Variants in SPAG16 observed in about 807,000 individuals in gnomAD.
The protein encoded by SPAG16 is sperm-associated antigen 16 protein.
In SPAG16, 86 loss-of-function variants were observed where a neutral mutation model predicts 80.4. The ratio of observed to expected loss-of-function variants is 1.07; its 90% confidence interval spans 0.90 to 1.28. SPAG16 has a LOEUF of 1.28. Ranked by LOEUF, SPAG16 falls within the 50% of genes most tolerant of loss-of-function variation. The pLI is 0.00. For missense variants in SPAG16, 870 were observed against 765.3 expected (o/e 1.14, Z -1.61); for synonymous variants, 294 against 265.9 (o/e 1.11, Z -1.03).
intron 11 of SPAG16, among the ~76,000 whole-genome samples, chr2:213,900,879 A>T (rs1455952465): frequency 6.6e-6 from 1 of 152,202 alleles, no homozygotes; most frequent in African/African-American, 2.4e-5. Context: ...GCTCTGTCCC[A>T]TAACTATATC....
chr2:213,814,020 GGA>G (rs945008080), intron 10 of SPAG16, among the ~76,000 whole-genome samples: 2 of 152,046 alleles, frequency 1.3e-5, no homozygotes, highest in African/African-American at 4.8e-5. Context: ...ACGGAGGTAG[GGA>G]GAGAGAGAGA....
intron 9 of SPAG16, among the ~76,000 whole-genome samples, chr2:213,488,965 C>T (rs930918199): frequency 7.9e-5 from 12 of 151,236 alleles, no homozygotes; most frequent in African/African-American, 2.2e-4. Flanking sequence ...GTCCCAGCTA[C>T]GCAGGAGGCT....
intron 11 of SPAG16, among the ~76,000 whole-genome samples, chr2:213,867,144 C>T (rs377226273): frequency 1.3e-5 from 2 of 152,156 alleles, no homozygotes; most frequent in East Asian, 1.9e-4. Context: ...GGATAACTTT[C>T]GTCACAGTGT....
At chr2:213,513,534 G>A (rs1321971125) in intron 10 of SPAG16, among the ~76,000 whole-genome samples, 1 of 152,088 alleles carries the variant, frequency 6.6e-6, no homozygotes, top group Non-Finnish European at 1.5e-5. Context: ...CAGGGATTTA[G>A]GATCTTTCTA....
At chr2:214,162,286 A>G (rs988576242) in intron 15 of SPAG16, among the ~76,000 whole-genome samples, 4 of 152,150 alleles carry the variant, frequency 2.6e-5, no homozygotes, top group African/African-American at 9.6e-5. Context: ...GTGCAATCAC[A>G]TTTAAATCTT....
At chr2:214,085,917 A>G (rs1427939823) in intron 13 of SPAG16, among the ~76,000 whole-genome samples, 1 of 152,108 alleles carries the variant, frequency 6.6e-6, no homozygotes, top group Non-Finnish European at 1.5e-5. Context: ...TACATCTTTG[A>G]TTTGTGTTTC....
intron 11 of SPAG16, among the ~76,000 whole-genome samples, chr2:213,886,413 G>A (rs528630799): frequency 6.6e-6 from 1 of 152,128 alleles, no homozygotes; most frequent in South Asian, 2.1e-4. Flanking sequence ...GCATTAAGCA[G>A]GAATAGGTCA....
At chr2:213,637,130 C>T (rs1024511795) in intron 10 of SPAG16, among the ~76,000 whole-genome samples, 2 of 152,120 alleles carry the variant, frequency 1.3e-5, no homozygotes, top group African/African-American at 4.8e-5. Flanking sequence ...TATGTCCCTT[C>T]TATGCTGATT....
chr2:214,130,035 C>T (rs564756501), intron 14 of SPAG16, among the ~76,000 whole-genome samples: 3 of 152,176 alleles, frequency 2.0e-5, no homozygotes, highest in South Asian at 4.2e-4. Context: ...AGTGAGCGTG[C>T]CTTCCAATGA....
chr2:214,106,804 T>C (rs1271607823), intron 13 of SPAG16, among the ~76,000 whole-genome samples: 1 of 152,146 alleles, frequency 6.6e-6, no homozygotes, highest in African/African-American at 2.4e-5. Flanking sequence ...CTGACTGACT[T>C]CTTTCCAGCC....
intron 5 of SPAG16, 90 bp downstream of exon 5, chr2:213,317,446 C>A: frequency 2.9e-6 from 4 of 1,379,348 alleles, no homozygotes; most frequent in Non-Finnish European, 2.8e-6. Context: ...TATACCAGAG[C>A]CTTAATTTTT....
intron 13 of SPAG16, among the ~76,000 whole-genome samples, chr2:214,086,946 T>C (rs2051808566): frequency 6.6e-6 from 1 of 152,188 alleles, no homozygotes; most frequent in African/African-American, 2.4e-5. Flanking sequence ...TATTTTTTAC[T>C]GCTCAACTCA....
intron 15 of SPAG16, among the ~76,000 whole-genome samples, chr2:214,153,289 A>G (rs1266248917): frequency 6.6e-6 from 1 of 151,756 alleles, no homozygotes; most frequent in Non-Finnish European, 1.5e-5. Context: ...GTCACTTCTC[A>G]CTGTGTCCCC....
chr2:214,128,466 C>T (rs1383134618), intron 14 of SPAG16, among the ~76,000 whole-genome samples: 2 of 151,846 alleles, frequency 1.3e-5, no homozygotes, highest in Non-Finnish European at 2.9e-5. Context: ...CAACCTTCTC[C>T]ACTGTCCCCT....
intron 9 of SPAG16, among the ~76,000 whole-genome samples, chr2:213,459,731 C>T (rs560281124): frequency 2.0e-5 from 3 of 152,344 alleles, no homozygotes; most frequent in South Asian, 2.1e-4. Flanking sequence ...ATGCATGTCG[C>T]TATTCTCTTG....
intron 10 of SPAG16, among the ~76,000 whole-genome samples, chr2:213,753,485 A>G (rs2068179243): frequency 6.6e-6 from 1 of 152,200 alleles, no homozygotes; most frequent in South Asian, 2.1e-4. Context: ...TAATATATGT[A>G]TGAATTATTA....
chr2:214,155,547 A>G (rs2056176083), intron 15 of SPAG16, among the ~76,000 whole-genome samples: 1 of 151,984 alleles, frequency 6.6e-6, no homozygotes, highest in Non-Finnish European at 1.5e-5. Context: ...GATGTTGCCC[A>G]GTCTGGTCTG....
At chr2:213,973,213 C>T (rs2045176071) in intron 12 of SPAG16, among the ~76,000 whole-genome samples, 1 of 152,164 alleles carries the variant, frequency 6.6e-6, no homozygotes, top group South Asian at 2.1e-4. Flanking sequence ...CCAGTATATA[C>T]AGGCACTTTT....
intron 10 of SPAG16, among the ~76,000 whole-genome samples, chr2:213,762,776 A>T (rs1032712456): frequency 6.6e-6 from 1 of 152,190 alleles, no homozygotes. Context: ...GGCAGAGATA[A>T]TAAGTCGAAC....
Sources: allele counts gnomAD v4.1 joint callset (sites outside exome capture counted in the v4.1 genomes callset), GRCh38; gene constraint gnomAD v4.1.1; transcripts MANE v1.5; gene names NCBI Gene and HGNC (gene_info 2026-07-23, HGNC 2026-07-21).